PLXNB2: variants seen among roughly 807,000 people sequenced by gnomAD.
PLXNB2 encodes plexin B2.
Under a neutral mutation model 202.6 loss-of-function variants are expected in PLXNB2, and 85 were observed. The observed-to-expected ratio is 0.42, with a 90% confidence interval of 0.35 to 0.50. The LOEUF (loss-of-function observed/expected upper bound fraction) is 0.50, where lower values mean the gene tolerates loss of function less well. PLXNB2 is among the 20% of genes least tolerant of loss of function. The probability of loss-of-function intolerance (pLI) is 0.02; values close to 1 mark genes in which losing one functional copy is unlikely to be tolerated. For missense variants in PLXNB2, 2,063 were observed against 2,586.2 expected (o/e 0.80, Z 4.39); for synonymous variants, 1,239 against 1,137.6 (o/e 1.09, Z -1.79).
intron 35 of PLXNB2, 92 bp from the exon 36 acceptor site, chr22:50,276,055 C>T: frequency 1.6e-6 from 2 of 1,253,716 alleles, no homozygotes; most frequent in East Asian, 2.4e-5. Context: ...ACGAGGCCTC[C>T]CCGGGGAAGC....
chr22:50,306,146 G>A (rs1406419993), intron 1 of PLXNB2, among the ~76,000 whole-genome samples: 1 of 152,122 alleles, frequency 6.6e-6, no homozygotes, highest in Non-Finnish European at 1.5e-5. Flanking sequence ...TGGGGGAGGG[G>A]GACTCACATT....
chr22:50,299,441 C>T (rs946922076), intron 1 of PLXNB2, among the ~76,000 whole-genome samples: 3 of 152,192 alleles, frequency 2.0e-5, no homozygotes. Flanking sequence ...GCCACGGAGG[C>T]CCCGGAGGCC....
intron 1 of PLXNB2, among the ~76,000 whole-genome samples, chr22:50,305,506 C>T (rs1258695152): frequency 6.6e-6 from 1 of 152,224 alleles, no homozygotes. Context: ...GTCTCCCCAC[C>T]TGCAGGATGG....
intron 1 of PLXNB2, among the ~76,000 whole-genome samples, chr22:50,305,694 C>T (rs2067859065): frequency 6.6e-6 from 1 of 152,280 alleles, no homozygotes; most frequent in Non-Finnish European, 1.5e-5. Flanking sequence ...GCCTGCTCCT[C>T]CCTGGCACGC....
intron 1 of PLXNB2, among the ~76,000 whole-genome samples, chr22:50,300,998 C>CG (rs1255789779): frequency 6.6e-6 from 1 of 152,274 alleles, no homozygotes; most frequent in East Asian, 1.9e-4. Flanking sequence ...GCCCCCTCTC[C>CG]GCCTCTGCAC....
intron 8 of PLXNB2, among the ~76,000 whole-genome samples, chr22:50,286,673 C>A (rs1293426969): frequency 6.6e-6 from 1 of 152,202 alleles, no homozygotes; most frequent in Non-Finnish European, 1.5e-5. Context: ...CACTGCGTGG[C>A]CCCACTGCCC....
Position 50,283,831 on chromosome 22 carries a change from A to G in PLXNB2, c.2421+2T>C. 1 of 1,609,218 alleles carries G rather than the reference A, an allele frequency of 6.2e-7. No individual in the cohort carries two copies. Among genetic ancestry groups the G allele is most frequent in the Non-Finnish European group, 8.5e-7 (1 of 1,177,434 alleles). ...GTGTAGGCCAGGCTTCGAGGGGCTC[A>G]CCCTGGTGATGACGGGCGGCGGGCA... On this transcript the variant is annotated splice_donor_variant, in intron 14 of 36. Transcript: ENST00000359337. LOFTEE classifies it high-confidence loss of function.
chr22:50,299,321 G>A (rs1036755555), intron 1 of PLXNB2, among the ~76,000 whole-genome samples: 1 of 150,928 alleles, frequency 6.6e-6, no homozygotes, highest in Non-Finnish European at 1.5e-5. Context: ...CCCGGTGCGG[G>A]GGCGGGGGAA....
chr22:50,306,035 C>T (rs548795568), intron 1 of PLXNB2, among the ~76,000 whole-genome samples: 1 of 152,240 alleles, frequency 6.6e-6, no homozygotes, highest in African/African-American at 2.4e-5. Context: ...CCTCAACCCA[C>T]GTCCCGGAAG....
At position 50,284,865 on chromosome 22, in the gene PLXNB2, G is replaced by T; in HGVS notation, c.2089-200C>A. ...AACACCTGTGTCTGCAGAAGCCTCT[G>T]AACGTCCTCTGTGGGTTTCCCACGG... On this transcript the variant is annotated intron_variant, in intron 11 of 36. Coordinates refer to ENST00000359337, the MANE Select transcript of PLXNB2 (RefSeq NM_012401.4). This position sits in a 1 kb window ranked among gnomAD's most constrained non-coding sequence, Gnocchi z 8.0. 1 of 699,994 alleles carries T rather than the reference G, an allele frequency of 1.4e-6. No homozygotes were observed. Among genetic ancestry groups the T allele is most frequent in the Non-Finnish European group, 2.7e-6 (1 of 372,624 alleles). The allele number at this position is 699,994 out of a possible 1,614,324, so 43.4% of individuals were successfully genotyped here. A position where few individuals can be genotyped will look rare whatever the true frequency, so the allele number is the denominator to read the frequency against.
chr22:50,276,971 C>T, intron 33 of PLXNB2, 65 bp from the exon 34 acceptor site: 1 of 1,208,260 alleles, frequency 8.3e-7, no homozygotes, highest in Non-Finnish European at 1.2e-6. Context: ...TCAGAGTACC[C>T]CTGGGTAGCT....
rs1264946986 is a variant in PLXNB2 at position 50,275,297 on chromosome 22, G to GA, written c.*406_*407insT. ...TGGTGGACAGACAGACATAGGATCT[G>GA]GGAACTTGCCCTGGGGGCCACAGGC... On this transcript the variant is annotated 3_prime_UTR_variant, in exon 37 of 37. Transcript: ENST00000359337. The GA allele has an allele frequency of 2.3e-6, 1 of 432,734 alleles. No homozygotes were observed. The highest frequency in any genetic ancestry group is 1.6e-5 in the South Asian group (1 of 63,402). 26.8% of individuals were successfully genotyped at this position (432,734 alleles called of 1,614,324 possible).
At chr22:50,304,800 A>T (rs1394972244) in intron 1 of PLXNB2, among the ~76,000 whole-genome samples, 1 of 152,040 alleles carries the variant, frequency 6.6e-6, no homozygotes, top group Non-Finnish European at 1.5e-5. Flanking sequence ...GCCCTACTGA[A>T]TCTCCCACCC....
At chr22:50,276,754 G>T in intron 34 of PLXNB2, 50 bp from the exon 35 acceptor site, 1 of 1,597,692 alleles carries the variant, frequency 6.3e-7, no homozygotes, top group Non-Finnish European at 8.6e-7. Context: ...ACCACAAAGG[G>T]GGTGGTGGGG....
chr22:50,287,571 G>A (rs1022613746), intron 7 of PLXNB2, 96 bp downstream of exon 7: 10 of 1,219,480 alleles, frequency 8.2e-6, no homozygotes, highest in Non-Finnish European at 1.0e-5. Flanking sequence ...GAGATGTGGA[G>A]CCCTCCCCTG....
intron 1 of PLXNB2, among the ~76,000 whole-genome samples, chr22:50,306,025 C>T (rs1428442531): frequency 6.6e-6 from 1 of 152,224 alleles, no homozygotes; most frequent in African/African-American, 2.4e-5. Context: ...CTCCTGGGGC[C>T]CTCAACCCAC....
chr22:50,280,168 G>T (rs1371039598), intron 25 of PLXNB2, 97 bp from the exon 26 acceptor site: 3 of 997,336 alleles, frequency 3.0e-6, no homozygotes, highest in Non-Finnish European at 4.4e-6. Context: ...CGCCAGCCTC[G>T]CCCCTGTCCA....
chr22:50,307,452 G>A, intron 1 of PLXNB2, 101 bp downstream of exon 1: 1 of 644,798 alleles, frequency 1.6e-6, no homozygotes, highest in Non-Finnish European at 1.9e-6. Context: ...GCAGGTCCCC[G>A]GGCCCCAGCG....
rs1601772944 is a variant in PLXNB2 at position 50,299,741 on chromosome 22, A to T, written c.-73-4963T>A. Among the ~76,000 whole-genome samples, 6 of 152,124 alleles carry T rather than the reference A, an allele frequency of 3.9e-5. No homozygotes were observed. The South Asian group carries it at 1.2e-3, about 31-fold the overall frequency. On this transcript the variant is annotated intron_variant, in intron 1 of 36. Coordinates refer to ENST00000359337, the MANE Select transcript of PLXNB2 (RefSeq NM_012401.4). Reference sequence around the variant, plus strand: ...CGAGGGCGAGACCGGCGGCCCCGCCACCCAGCCCCACCCACCGGTGACCCG... The same window carrying T: ...CGAGGGCGAGACCGGCGGCCCCGCCTCCCAGCCCCACCCACCGGTGACCCG...
Sources: allele counts gnomAD v4.1 joint callset (sites outside exome capture counted in the v4.1 genomes callset), GRCh38; gene constraint gnomAD v4.1.1; non-coding constraint Gnocchi (gnomAD v3.1); transcripts MANE v1.5; gene names NCBI Gene and HGNC (gene_info 2026-07-23, HGNC 2026-07-21).